Variants in TAFA1 observed in about 807,000 individuals in gnomAD.
The protein encoded by TAFA1 is chemokine-like protein TAFA-1.
In TAFA1, 4 loss-of-function variants were observed where a neutral mutation model predicts 18.5. The observed-to-expected ratio is 0.22, with a 90% CI of 0.11 to 0.49. TAFA1 has a LOEUF of 0.49. Ranked by LOEUF, TAFA1 falls within the 20% of genes least tolerant of loss-of-function variation. The pLI is 0.98. For synonymous variants in TAFA1, 56 were observed against 55.2 expected, an observed-to-expected ratio of 1.01 and a Z score of -0.06; for missense variants, 147 against 169.0, an observed-to-expected ratio of 0.87 and a Z score of 0.72.
intron 2 of TAFA1, among the ~76,000 whole-genome samples, chr3:68,100,205 T>C (rs1203302708): frequency 6.6e-6 from 1 of 151,910 alleles, no homozygotes; most frequent in African/African-American, 2.4e-5. Flanking sequence ...TGTAGAAAGG[T>C]CAGGCACAGT....
intron 2 of TAFA1, among the ~76,000 whole-genome samples, chr3:68,087,119 A>T (rs932201940): frequency 6.6e-6 from 1 of 152,198 alleles, no homozygotes; most frequent in Non-Finnish European, 1.5e-5. Flanking sequence ...TTACCATTGG[A>T]TACCTACTGT....
At chr3:68,204,107 T>C (rs2066498955) in intron 2 of TAFA1, among the ~76,000 whole-genome samples, 1 of 151,716 alleles carries the variant, frequency 6.6e-6, no homozygotes, top group South Asian at 2.1e-4. Context: ...ATTCTCTGTA[T>C]CCACCTATCT....
At chr3:68,171,176 A>C (rs1261150049) in intron 2 of TAFA1, among the ~76,000 whole-genome samples, 1 of 152,156 alleles carries the variant, frequency 6.6e-6, no homozygotes, top group Non-Finnish European at 1.5e-5. Context: ...AGGTTCTTTA[A>C]ATGTGGAAGA....
At chr3:68,215,151 G>T (rs2066641722) in intron 2 of TAFA1, among the ~76,000 whole-genome samples, 2 of 152,066 alleles carry the variant, frequency 1.3e-5, no homozygotes, top group African/African-American at 4.8e-5. Flanking sequence ...TAATGTATAT[G>T]CCTAAGAGGA....
rs563475324 is a variant in TAFA1, at chr3:68,416,754, A to T, written c.119-526A>T. Among the ~76,000 whole-genome samples the T allele has an allele frequency of 7.2e-5, 11 of 152,210 alleles. 2 individuals are homozygous for T. Among genetic ancestry groups the T allele is most frequent in the African/African-American group, 2.6e-4 (11 of 41,542 alleles). On this transcript the variant is annotated intron_variant, in intron 2 of 4. Transcript: ENST00000478136. The stretch of plus-strand genomic sequence containing the variant: ...ATTTTCTCCAGCAATTCTTTCTTTC[A>T]TTTGCGGATGAAGTCTAGATTTGGG...
At chr3:68,399,947 C>T (rs1289958534) in intron 2 of TAFA1, among the ~76,000 whole-genome samples, 2 of 152,148 alleles carry the variant, frequency 1.3e-5, no homozygotes, top group African/African-American at 4.8e-5. Flanking sequence ...AGCTCAATCT[C>T]GACTCACACA....
At chr3:68,280,873 C>A (rs66663812) in intron 2 of TAFA1, among the ~76,000 whole-genome samples, 36 of 151,936 alleles carry the variant, frequency 2.4e-4, no homozygotes, top group Non-Finnish European at 4.7e-4. Context: ...TTCTTCTCAA[C>A]TTTGTGTTCT....
At chr3:68,461,774 C>T (rs569140521) in intron 3 of TAFA1, among the ~76,000 whole-genome samples, 1 of 151,996 alleles carries the variant, frequency 6.6e-6, no homozygotes, top group South Asian at 2.1e-4. Flanking sequence ...CAGGACAAGA[C>T]CATAGACATG....
Position 68,196,161 on chromosome 3 carries a change from T to C in TAFA1, c.118+189417T>C, listed in dbSNP as rs558416961. Reference sequence around the variant, plus strand: ...CCTAGTTCTGCCCTTTGCATCTGTGTATAAGCAGCTCCCATCCGGCCTTGA... The same window carrying C: ...CCTAGTTCTGCCCTTTGCATCTGTGCATAAGCAGCTCCCATCCGGCCTTGA... On this transcript the variant is annotated intron_variant, in intron 2 of 4. Transcript: ENST00000478136. Among the ~76,000 whole-genome samples, 331 of 151,886 alleles carry C rather than the reference T, an allele frequency of 2.2e-3. 1 individual carries two copies. Among genetic ancestry groups the C allele is most frequent in the Non-Finnish European group, 4.1e-3 (279 of 67,804 alleles).
intron 2 of TAFA1, among the ~76,000 whole-genome samples, chr3:68,309,776 A>C (rs1335435877): frequency 6.6e-6 from 1 of 152,232 alleles, no homozygotes; most frequent in East Asian, 1.9e-4. Flanking sequence ...AGGGGGCTCA[A>C]CATGGTCCTC....
chr3:68,355,405 C>T (rs1049996327), intron 2 of TAFA1, among the ~76,000 whole-genome samples: 2 of 151,930 alleles, frequency 1.3e-5, no homozygotes, highest in Non-Finnish European at 2.9e-5. Context: ...CCCTTTACCT[C>T]AGTTCCCTTT....
chr3:68,070,958 A>G (rs1452197673), intron 2 of TAFA1, among the ~76,000 whole-genome samples: 1 of 152,198 alleles, frequency 6.6e-6, no homozygotes, highest in Non-Finnish European at 1.5e-5. Context: ...GTCTCTAGGG[A>G]GTTCCAAACT....
intron 2 of TAFA1, among the ~76,000 whole-genome samples, chr3:68,367,097 G>A (rs1420334258): frequency 2.6e-5 from 4 of 152,194 alleles, no homozygotes; most frequent in Non-Finnish European, 5.9e-5. Flanking sequence ...GGGTGGTTGT[G>A]AGAATGTAGT....
At chr3:68,275,027 A>G (rs62248296) in intron 2 of TAFA1, among the ~76,000 whole-genome samples, 25,020 of 152,104 alleles carry the variant, frequency 0.16, 2,458 homozygotes, top group East Asian at 0.25. Flanking sequence ...GAGATAAGTT[A>G]TATTACATGT....
At position 68,139,430 on chromosome 3, in the gene TAFA1, A is replaced by G. The variant is rs550420131; in HGVS notation, c.118+132686A>G. Among the ~76,000 whole-genome samples the G allele has an allele frequency of 2.0e-5, 3 of 152,318 alleles. No homozygotes were observed. In the South Asian group the frequency reaches 6.2e-4, roughly 32 times the overall value. ...CTCTGTATAATTTCCCAAGAATTCA[A>G]TGGAAAACAAGTAACATTATGGGGA... On this transcript the variant is annotated intron_variant, in intron 2 of 4. Coordinates refer to ENST00000478136, the MANE Select transcript of TAFA1 (RefSeq NM_213609.4).
intron 2 of TAFA1, among the ~76,000 whole-genome samples, chr3:68,353,803 G>C (rs1012338474): frequency 6.6e-6 from 1 of 152,062 alleles, no homozygotes; most frequent in East Asian, 1.9e-4. Context: ...AAATCCACCA[G>C]GCTTGCTTTA....
chr3:68,499,442 C>CTT (rs765191097), intron 3 of TAFA1, among the ~76,000 whole-genome samples: 4 of 88,064 alleles, frequency 4.5e-5, no homozygotes, highest in African/African-American at 4.7e-5. Flanking sequence ...TTCTGTGTTC[C>CTT]TTTCTTTTTT....
intron 2 of TAFA1, among the ~76,000 whole-genome samples, chr3:68,396,292 T>A (rs979327957): frequency 6.6e-6 from 1 of 152,094 alleles, no homozygotes; most frequent in African/African-American, 2.4e-5. Context: ...TGGATTTCCA[T>A]TAACTGAACT....
intron 2 of TAFA1, among the ~76,000 whole-genome samples, chr3:68,233,936 A>G (rs1251095229): frequency 6.6e-6 from 1 of 152,144 alleles, no homozygotes; most frequent in Non-Finnish European, 1.5e-5. Flanking sequence ...AGAAAAAATG[A>G]GGGAAATATG....
Sources: gnomAD v4.1 joint callset for allele counts (sites outside exome capture counted in the v4.1 genomes callset) on GRCh38, gnomAD v4.1.1 for gene constraint, MANE v1.5 for transcripts, NCBI Gene and HGNC (gene_info 2026-07-23, HGNC 2026-07-21) for gene names.